ADD3: variants seen among roughly 807,000 people sequenced by gnomAD.
ADD3 encodes gamma-adducin.
A neutral mutation model predicts 80.2 loss-of-function variants in ADD3; 25 were observed. The ratio of observed to expected loss-of-function variants is 0.31; its 90% confidence interval spans 0.23 to 0.44. The LOEUF is 0.44. ADD3 is among the 20% of genes least tolerant of loss of function. The pLI is 1.00. For missense variants in ADD3, 829 were observed against 847.5 expected, an observed-to-expected ratio of 0.98 and a Z score of 0.27; for synonymous variants, 284 against 289.6, an observed-to-expected ratio of 0.98 and a Z score of 0.20.
rs879512943 is a variant in ADD3 at position 110,119,320 on chromosome 10, T to C, written c.827T>C (p.Ile276Thr). ...QGSLEEQEER[I>T]QLQKVLGPSC... ...TCACTTGAAGAACAGGAGGAGAGAA[T>C]TCAACTGCAGAAGGTTCTGGGACCA... is the stretch of plus-strand genomic sequence containing the variant. Residue 276 changes from isoleucine (I) to threonine (T), a missense_variant, in exon 7 of 15, where the codon ATT (isoleucine) becomes ACT (threonine). Coordinates refer to ENST00000356080, the MANE Select transcript of ADD3 (RefSeq NM_016824.5). 9 of 1,614,054 alleles carry C rather than the reference T, an allele frequency of 5.6e-6. No homozygotes were observed. The highest frequency in any genetic ancestry group is 6.8e-6 in the Non-Finnish European group (8 of 1,180,016).
At chr10:110,058,108 ATTT>A (rs34287994) in intron 1 of ADD3, among the ~76,000 whole-genome samples, 1 of 144,390 alleles carries the variant, frequency 6.9e-6, no homozygotes, top group Non-Finnish European at 1.5e-5. Flanking sequence ...TCTCCTGAAG[ATTT>A]TTTTTTTTTT....
At chr10:110,054,777 C>T (rs1857962041) in intron 1 of ADD3, among the ~76,000 whole-genome samples, 1 of 152,026 alleles carries the variant, frequency 6.6e-6, no homozygotes, top group Non-Finnish European at 1.5e-5. Context: ...CCATGCCCGG[C>T]TAATTTTTTT....
At chr10:110,012,801 G>T (rs78813864) in intron 1 of ADD3, among the ~76,000 whole-genome samples, 1,726 of 149,270 alleles carry the variant, frequency 0.012, 25 homozygotes, top group African/African-American at 0.04. Flanking sequence ...CTCTCACTAT[G>T]TTGCCCAGGC....
At chr10:110,031,412 A>C (rs1313207447) in intron 1 of ADD3, among the ~76,000 whole-genome samples, 1 of 152,254 alleles carries the variant, frequency 6.6e-6, no homozygotes, top group Non-Finnish European at 1.5e-5. Flanking sequence ...CTAAATTACG[A>C]AGAAACAGAT....
At chr10:110,107,855 A>G (rs145580882) in intron 2 of ADD3, among the ~76,000 whole-genome samples, 1 of 152,268 alleles carries the variant, frequency 6.6e-6, no homozygotes, top group South Asian at 2.1e-4. Flanking sequence ...TTTTGTGGCA[A>G]CACTTGAAGA....
chr10:110,114,311 T>C (rs899217463), intron 3 of ADD3, among the ~76,000 whole-genome samples: 6 of 152,382 alleles, frequency 3.9e-5, no homozygotes, highest in East Asian at 3.9e-4. Context: ...TTGTGGCTTA[T>C]GTATTAAAAC....
At chr10:110,123,716 G>C (rs1383207120) in intron 9 of ADD3, 3 of 261,506 alleles carry the variant, frequency 1.1e-5, no homozygotes, top group Non-Finnish European at 2.2e-5. Flanking sequence ...TGCTTCCCCA[G>C]AACAGTTTTA....
At chr10:110,060,265 T>A (rs191003292) in intron 1 of ADD3, among the ~76,000 whole-genome samples, 5 of 152,340 alleles carry the variant, frequency 3.3e-5, no homozygotes, top group Admixed American at 3.3e-4. Context: ...ATATTAACGT[T>A]TATTCCAGTG....
intron 1 of ADD3, among the ~76,000 whole-genome samples, chr10:110,062,471 A>G (rs1859048444): frequency 6.6e-6 from 1 of 151,508 alleles, no homozygotes; most frequent in South Asian, 2.1e-4. Flanking sequence ...GGTCCCAGCT[A>G]TTAGGTGGCT....
At chr10:110,129,203 G>A (rs1214896363) in intron 12 of ADD3, among the ~76,000 whole-genome samples, 1 of 148,736 alleles carries the variant, frequency 6.7e-6, no homozygotes, top group African/African-American at 2.5e-5. Flanking sequence ...AGGCTGGAGC[G>A]CAATGGCGTG....
rs1853330268 is a variant in ADD3, at chr10:110,133,524, G to C, written c.2027G>C (p.Gly676Ala). 1.2e-6 allele frequency: 2 copies of C among 1,612,540 alleles called. No individual in the cohort carries two copies. The highest frequency in any genetic ancestry group is 1.7e-6 in the Non-Finnish European group (2 of 1,179,328). The change falls in exon 15 of 15, where the codon GGC (glycine) becomes GCC (alanine). Residue 676 changes from glycine to alanine, a missense_variant. Gly to Ala is a moderately conservative substitution (Grantham distance 60, BLOSUM62 0). Transcript: ENST00000356080. ...EKIEEVLSPE[G>A]SPSKSPSKKK... is the part of the protein sequence containing the mutation. The stretch of plus-strand genomic sequence containing the variant: ...ATCGAAGAAGTCCTGTCACCTGAAG[G>C]CTCCCCTTCAAAATCGCCATCCAAG...
In ADD3 at chr10:110,008,163, C is replaced by G. The variant is rs1324493463; in HGVS notation, c.-166C>G. The G allele has an allele frequency of 2.0e-5, 3 of 152,324 alleles. No homozygotes were observed. Among genetic ancestry groups the G allele is most frequent in the Non-Finnish European group, 4.4e-5 (3 of 68,110 alleles). The allele number at this position is 152,324 out of a possible 1,614,324, so 9.4% of individuals were successfully genotyped here. On this transcript the variant is annotated 5_prime_UTR_variant, in exon 1 of 15. Transcript: ENST00000356080. ...AGGTCCCTCCCTCCTCAAGCCCCCT[C>G]CCCTTCTCCCGCCCTACCCTCTGGG...
chr10:110,124,319 CTAGT>C (rs976761356), intron 10 of ADD3, 45 bp downstream of exon 10: 1 of 1,589,212 alleles, frequency 6.3e-7, no homozygotes, highest in African/African-American at 1.4e-5. Flanking sequence ...AATATTTTGC[CTAGT>C]TACTCAAGAA....
chr10:110,012,743 ATATGTT>A (rs981878185), intron 1 of ADD3, among the ~76,000 whole-genome samples: 3 of 149,282 alleles, frequency 2.0e-5, no homozygotes, highest in Non-Finnish European at 2.9e-5. Flanking sequence ...AGGCCTTGGC[ATATGTT>A]TATATCTTTT....
At chr10:110,018,817 A>C (rs1853306910) in intron 1 of ADD3, among the ~76,000 whole-genome samples, 1 of 152,194 alleles carries the variant, frequency 6.6e-6, no homozygotes, top group African/African-American at 2.4e-5. Context: ...GAAATACATT[A>C]GAATATGGCA....
intron 1 of ADD3, among the ~76,000 whole-genome samples, chr10:110,034,834 C>T (rs958482641): frequency 5.9e-5 from 9 of 152,112 alleles, no homozygotes; most frequent in African/African-American, 1.9e-4. Flanking sequence ...AAAGTTGTGT[C>T]GTTTTGTGAG....
intron 5 of ADD3, among the ~76,000 whole-genome samples, chr10:110,118,261 C>T (rs1851034384): frequency 6.6e-6 from 1 of 152,156 alleles, no homozygotes; most frequent in Non-Finnish European, 1.5e-5. Context: ...TCTATACATG[C>T]CAGACTTGTT....
chr10:110,117,441 G>C lies in ADD3; in HGVS notation c.567+19G>C. Reference sequence around the variant, plus strand: ...CAATTTGGTATAATTTTCCATTCCTGTGTTGCTTTTTCTGAGCTTTCTTTG... The same window carrying C: ...CAATTTGGTATAATTTTCCATTCCTCTGTTGCTTTTTCTGAGCTTTCTTTG... On this transcript the variant is annotated intron_variant, in intron 5 of 14. Transcript: ENST00000356080. 6.7e-7 allele frequency: 1 copy of C among 1,492,560 alleles called. No homozygotes were observed. The allele number at this position is 1,492,560 out of a possible 1,614,324, so 92.5% of individuals were successfully genotyped here. A position where few individuals can be genotyped will look rare whatever the true frequency, so the allele number is the denominator to read the frequency against.
chr10:110,051,211 A>G (rs1224840770), intron 1 of ADD3, among the ~76,000 whole-genome samples: 1 of 152,220 alleles, frequency 6.6e-6, no homozygotes, highest in Non-Finnish European at 1.5e-5. Context: ...CTTAGAAGAA[A>G]CCAGAGGGAA....
Sources: allele counts gnomAD v4.1 joint callset (sites outside exome capture counted in the v4.1 genomes callset), GRCh38; gene constraint gnomAD v4.1.1; transcripts MANE v1.5; gene names NCBI Gene and HGNC (gene_info 2026-07-23, HGNC 2026-07-21).